Variants in DPP10 observed in about 807,000 individuals in gnomAD.
The protein encoded by DPP10 is inactive dipeptidyl peptidase 10.
A neutral mutation model predicts 120.9 loss-of-function variants in DPP10; 33 were observed. The observed-to-expected ratio is 0.27, with a 90% CI of 0.21 to 0.37. DPP10 has a LOEUF of 0.37. DPP10 is among the 10% of genes least tolerant of loss of function. The pLI is 1.00. For synonymous variants in DPP10, 337 were observed against 326.1 expected (o/e 1.03, Z -0.36); for missense variants, 816 against 942.8 (o/e 0.87, Z 1.76).
chr2:114,522,985 T>C (rs188709434), intron 1 of DPP10, among the ~76,000 whole-genome samples: 6 of 152,154 alleles, frequency 3.9e-5, no homozygotes, highest in Admixed American at 3.9e-4. Flanking sequence ...GATTTCAAGA[T>C]GAGATTTGAG....
rs965091414 is a variant in DPP10 at position 115,216,915 on chromosome 2, G to A, written c.61-92324G>A. Among the ~76,000 whole-genome samples, 17 of 151,186 alleles carry A rather than the reference G, an allele frequency of 1.1e-4. No homozygotes were observed. In the East Asian group the frequency reaches 2.4e-3, roughly 21 times the overall value. On this transcript the variant is annotated intron_variant, in intron 1 of 25. Transcript: ENST00000410059. The stretch of plus-strand genomic sequence containing the variant: ...TGTATACGTATACACATATATACAC[G>A]TATATATGTCTATGTATATTTGTCT...
intron 5 of DPP10, among the ~76,000 whole-genome samples, chr2:115,569,405 A>G (rs2081207130): frequency 6.6e-6 from 1 of 152,238 alleles, no homozygotes; most frequent in African/African-American, 2.4e-5. Context: ...CAGTTCATAT[A>G]TTAAGTAATT....
At chr2:114,793,840 A>G (rs1210698251) in intron 1 of DPP10, among the ~76,000 whole-genome samples, 1 of 152,096 alleles carries the variant, frequency 6.6e-6, no homozygotes, top group Non-Finnish European at 1.5e-5. Context: ...TGACCACACT[A>G]TGTAATGTTG....
chr2:115,305,210 A>T (rs1043929985), intron 1 of DPP10, among the ~76,000 whole-genome samples: 3 of 152,040 alleles, frequency 2.0e-5, no homozygotes, highest in Non-Finnish European at 2.9e-5. Context: ...CATCCAGATG[A>T]CCATGTTGCA....
intron 1 of DPP10, among the ~76,000 whole-genome samples, chr2:115,126,694 TTGAG>T (rs1046875361): frequency 1.3e-5 from 2 of 152,184 alleles, no homozygotes; most frequent in African/African-American, 4.8e-5. Context: ...TTGTTTCTTT[TTGAG>T]TGTCACAGAC....
At chr2:115,033,896 T>TC in intron 1 of DPP10, among the ~76,000 whole-genome samples, 1 of 131,822 alleles carries the variant, frequency 7.6e-6, no homozygotes, top group African/African-American at 2.8e-5. Context: ...TCTTTTTCTT[T>TC]TTTTTTTTTT....
At chr2:114,777,446 A>G (rs1483247631) in intron 1 of DPP10, among the ~76,000 whole-genome samples, 1 of 152,024 alleles carries the variant, frequency 6.6e-6, no homozygotes, top group Non-Finnish European at 1.5e-5. Context: ...ATTCCTACTA[A>G]ATTATATTTC....
At chr2:114,474,552 G>T (rs1270054349) in intron 1 of DPP10, among the ~76,000 whole-genome samples, 1 of 152,128 alleles carries the variant, frequency 6.6e-6, no homozygotes, top group Non-Finnish European at 1.5e-5. Context: ...GTGCAACACA[G>T]GAAGAATTCT....
chr2:114,722,226 T>C (rs1701742612), intron 1 of DPP10, among the ~76,000 whole-genome samples: 1 of 152,170 alleles, frequency 6.6e-6, no homozygotes, highest in Non-Finnish European at 1.5e-5. Flanking sequence ...AAAATGGTAA[T>C]TCTTATAAAT....
intron 1 of DPP10, among the ~76,000 whole-genome samples, chr2:114,892,495 G>A (rs796493539): frequency 4.6e-5 from 7 of 152,302 alleles, no homozygotes; most frequent in African/African-American, 1.7e-4. Context: ...CTATGATCCA[G>A]CTTGTTATCT....
chr2:115,287,618 A>G (rs2060457144), intron 1 of DPP10, among the ~76,000 whole-genome samples: 1 of 152,130 alleles, frequency 6.6e-6, no homozygotes. Context: ...GGCAAAAGAC[A>G]TTATTCCACT....
intron 1 of DPP10, among the ~76,000 whole-genome samples, chr2:114,942,663 A>G (rs1485071495): frequency 6.6e-6 from 1 of 151,636 alleles, no homozygotes; most frequent in Non-Finnish European, 1.5e-5. Flanking sequence ...ACATTAATTG[A>G]CTTGCCCCTC....
At chr2:115,385,916 A>G (rs1478545043) in intron 3 of DPP10, among the ~76,000 whole-genome samples, 1 of 152,190 alleles carries the variant, frequency 6.6e-6, no homozygotes, top group African/African-American at 2.4e-5. Context: ...CTCTTTGGTA[A>G]ACAAAATTTC....
At chr2:115,492,800 T>C (rs2076192825) in intron 3 of DPP10, among the ~76,000 whole-genome samples, 1 of 151,736 alleles carries the variant, frequency 6.6e-6, no homozygotes, top group African/African-American at 2.4e-5. Flanking sequence ...CACATCAAAA[T>C]GGAATAAAAA....
intron 1 of DPP10, among the ~76,000 whole-genome samples, chr2:115,096,172 G>A (rs1462659997): frequency 6.6e-6 from 1 of 152,016 alleles, no homozygotes; most frequent in Non-Finnish European, 1.5e-5. Context: ...AGGCTTGTGG[G>A]TCATACAATT....
chr2:115,054,775 G>A (rs1705773391), intron 1 of DPP10, among the ~76,000 whole-genome samples: 1 of 152,074 alleles, frequency 6.6e-6, no homozygotes, highest in Admixed American at 6.6e-5. Context: ...GCCAGGCGTG[G>A]TGGCACACAG....
intron 1 of DPP10, among the ~76,000 whole-genome samples, chr2:114,605,283 G>T (rs1004442955): frequency 6.6e-6 from 1 of 152,056 alleles, no homozygotes; most frequent in Non-Finnish European, 1.5e-5. Context: ...GGTGTGAACT[G>T]CATGGGTCCA....
At chr2:115,570,989 C>T (rs759026978) in intron 5 of DPP10, among the ~76,000 whole-genome samples, 2 of 152,112 alleles carry the variant, frequency 1.3e-5, no homozygotes, top group Non-Finnish European at 2.9e-5. Flanking sequence ...GCATTAACCA[C>T]AGTGTAAATC....
intron 1 of DPP10, among the ~76,000 whole-genome samples, chr2:114,780,858 A>G (rs1220915225): frequency 6.6e-6 from 1 of 152,104 alleles, no homozygotes; most frequent in Admixed American, 6.5e-5. Context: ...TGAATATGAG[A>G]CAGTCTTTAA....
Sources: allele counts gnomAD v4.1 joint callset (sites outside exome capture counted in the v4.1 genomes callset), GRCh38; gene constraint gnomAD v4.1.1; transcripts MANE v1.5; gene names NCBI Gene and HGNC (gene_info 2026-07-23, HGNC 2026-07-21).